TRABD2B: variants seen among roughly 807,000 people sequenced by gnomAD.
TRABD2B encodes the protein metalloprotease TIKI2.
Under a neutral mutation model 40.1 loss-of-function variants are expected in TRABD2B, and 14 were observed. That is an observed-to-expected ratio of 0.35 (90% CI 0.23 to 0.55). TRABD2B has a LOEUF of 0.55. Ranked by LOEUF, TRABD2B falls within the 20% of genes least tolerant of loss-of-function variation. TRABD2B has a pLI of 0.90. For synonymous variants in TRABD2B, 263 were observed against 277.0 expected (o/e 0.95, Z 0.50); for missense variants, 541 against 648.6 (o/e 0.83, Z 1.80).
At chr1:47,787,003 C>T (rs1644604998) in intron 4 of TRABD2B, among the ~76,000 whole-genome samples, 1 of 152,140 alleles carries the variant, frequency 6.6e-6, no homozygotes, top group African/African-American at 2.4e-5. Context: ...CTGTGACTGG[C>T]CTGCCTCTTG....
chr1:47,928,746 A>ATAC, intron 2 of TRABD2B, among the ~76,000 whole-genome samples: 1 of 152,354 alleles, frequency 6.6e-6, no homozygotes, highest in East Asian at 1.9e-4. Flanking sequence ...ATGCTCAGTA[A>ATAC]GATTGATGAA....
At chr1:47,934,597 T>C (rs569806613) in intron 2 of TRABD2B, among the ~76,000 whole-genome samples, 1 of 152,348 alleles carries the variant, frequency 6.6e-6, no homozygotes, top group South Asian at 2.1e-4. Flanking sequence ...TTATTGTTTC[T>C]GCTCTAATGA....
chr1:47,974,785 G>A (rs2148430015), intron 2 of TRABD2B, among the ~76,000 whole-genome samples: 1 of 152,266 alleles, frequency 6.6e-6, no homozygotes, highest in South Asian at 2.1e-4. Flanking sequence ...CCTCTATAGT[G>A]GAGAAACCTG....
intron 2 of TRABD2B, among the ~76,000 whole-genome samples, chr1:47,870,815 T>A (rs1162252535): frequency 6.6e-6 from 1 of 152,108 alleles, no homozygotes; most frequent in Non-Finnish European, 1.5e-5. Flanking sequence ...AAACTTAGTG[T>A]GTCAGGGAGG....
Position 47,814,311 on chromosome 1 carries a change from A to T in TRABD2B, c.667-12692T>A, listed in dbSNP as rs1645002425. ...CAGACTTTACTCTACGGACAATGGGATGCCACTGAATTTATTAAGGAGGGA... is the reference window on the plus strand; with the variant it reads ...CAGACTTTACTCTACGGACAATGGGTTGCCACTGAATTTATTAAGGAGGGA... On this transcript the variant is annotated intron_variant, in intron 2 of 6. Transcript: ENST00000606738. 2.6e-5 allele frequency among the ~76,000 whole-genome samples: 4 copies of T among 152,314 alleles called. No homozygotes were observed. In the South Asian group the frequency reaches 8.3e-4, roughly 32 times the overall value.
At chr1:47,907,942 G>C (rs749693304) in intron 2 of TRABD2B, among the ~76,000 whole-genome samples, 2 of 152,174 alleles carry the variant, frequency 1.3e-5, no homozygotes, top group Non-Finnish European at 2.9e-5. Flanking sequence ...AGAGGGACTA[G>C]GTAAAGTTTT....
In TRABD2B at chr1:47,813,444, C is replaced by T. The variant is rs111933085; in HGVS notation, c.667-11825G>A. On this transcript the variant is annotated intron_variant, in intron 2 of 6. Coordinates refer to ENST00000606738, the MANE Select transcript of TRABD2B (RefSeq NM_001194986.2). The surrounding 1 kb of genome is among the most constrained non-coding windows in gnomAD (Gnocchi z 4.3). ...CCTCTCTGTTTGTCTGCTAAGCCAC[C>T]GGTTACCAAGCCTTCAGAGACAAAC... Among the ~76,000 whole-genome samples the T allele has an allele frequency of 0.014, 2,175 of 152,238 alleles. 59 individuals are homozygous for T. Among genetic ancestry groups the T allele is most frequent in the African/African-American group, 0.05 (2,063 of 41,524 alleles).
intron 2 of TRABD2B, among the ~76,000 whole-genome samples, chr1:47,870,421 C>A (rs890409750): frequency 2.6e-5 from 4 of 152,158 alleles, no homozygotes; most frequent in Non-Finnish European, 5.9e-5. Flanking sequence ...GGCTCACAGC[C>A]TTACCTCATC....
intron 2 of TRABD2B, among the ~76,000 whole-genome samples, chr1:47,804,490 G>A (rs750539704): frequency 2.0e-5 from 3 of 152,174 alleles, no homozygotes; most frequent in Admixed American, 1.3e-4. Flanking sequence ...GTTTCTCGGC[G>A]TCGGCTTGGC....
intron 2 of TRABD2B, among the ~76,000 whole-genome samples, chr1:47,808,681 C>T (rs1173385295): frequency 6.6e-6 from 1 of 152,134 alleles, no homozygotes; most frequent in Non-Finnish European, 1.5e-5. Context: ...AAACTGAGCC[C>T]TTGAGGAGGG....
intron 2 of TRABD2B, among the ~76,000 whole-genome samples, chr1:47,847,338 C>T (rs1645486055): frequency 1.3e-5 from 2 of 152,218 alleles, no homozygotes; most frequent in African/African-American, 4.8e-5. Context: ...AAGCATGCAA[C>T]TCCTTTTGGA....
chr1:47,997,049 G>T lies in TRABD2B; in HGVS notation c.-260C>A, dbSNP rs1646103882. 3.0e-6 allele frequency: 3 copies of T among 984,738 alleles called. No individual in the cohort carries two copies. Among genetic ancestry groups the T allele is most frequent in the Admixed American group, 6.2e-5 (1 of 16,244 alleles). The allele number at this position is 984,738 out of a possible 1,614,324, so 61.0% of individuals were successfully genotyped here. ...CTCAACCTCGCTGGCCGAGCCCCCGGGTGCTGAGGGCGTGTTGGGGTCCGG... is the reference window on the plus strand; with the variant it reads ...CTCAACCTCGCTGGCCGAGCCCCCGTGTGCTGAGGGCGTGTTGGGGTCCGG... On this transcript the variant is annotated 5_prime_UTR_variant, in exon 1 of 7. Coordinates refer to ENST00000606738, the MANE Select transcript of TRABD2B (RefSeq NM_001194986.2).
At chr1:47,775,090 C>A in intron 6 of TRABD2B, 80 bp downstream of exon 6, 2 of 1,213,066 alleles carry the variant, frequency 1.6e-6, no homozygotes, top group African/African-American at 3.1e-5. Context: ...CGACAGTGTG[C>A]CCAGCTGTGG....
At chr1:47,835,946 T>C (rs1202807660) in intron 2 of TRABD2B, among the ~76,000 whole-genome samples, 2 of 152,264 alleles carry the variant, frequency 1.3e-5, no homozygotes, top group Non-Finnish European at 2.9e-5. Flanking sequence ...TTTTCCACTG[T>C]CTGATTTAAA....
chr1:47,970,898 C>A (rs1645673109), intron 2 of TRABD2B, among the ~76,000 whole-genome samples: 1 of 152,114 alleles, frequency 6.6e-6, no homozygotes, highest in Non-Finnish European at 1.5e-5. Context: ...TAGCGTCTCA[C>A]TGGCCAAAGC....
intron 4 of TRABD2B, among the ~76,000 whole-genome samples, chr1:47,789,127 G>A (rs1294035264): frequency 6.6e-6 from 1 of 152,198 alleles, no homozygotes; most frequent in East Asian, 1.9e-4. Context: ...TCTCCTAGGT[G>A]TCAGCAATTC....
intron 2 of TRABD2B, among the ~76,000 whole-genome samples, chr1:47,844,138 T>C (rs1162870567): frequency 6.6e-6 from 1 of 152,206 alleles, no homozygotes; most frequent in Admixed American, 6.5e-5. Flanking sequence ...AAGTAAATCA[T>C]GTCACCGTCC....
intron 2 of TRABD2B, among the ~76,000 whole-genome samples, chr1:47,849,644 T>C (rs1028073338): frequency 1.3e-5 from 2 of 152,228 alleles, no homozygotes; most frequent in Non-Finnish European, 2.9e-5. Context: ...TTTACCTCTC[T>C]GTCTCCATCT....
At chr1:47,844,946 C>A (rs1328798768) in intron 2 of TRABD2B, among the ~76,000 whole-genome samples, 2 of 152,148 alleles carry the variant, frequency 1.3e-5, no homozygotes, top group Admixed American at 1.3e-4. Flanking sequence ...AGAAGTACAC[C>A]TGGTCACATC....
Sources: gnomAD v4.1 joint callset for allele counts (sites outside exome capture counted in the v4.1 genomes callset) on GRCh38, gnomAD v4.1.1 for gene constraint, Gnocchi (gnomAD v3.1) non-coding constraint, MANE v1.5 for transcripts, NCBI Gene and HGNC (gene_info 2026-07-23, HGNC 2026-07-21) for gene names.